KPNA5: variants seen among roughly 807,000 people sequenced by gnomAD.
KPNA5 encodes karyopherin subunit alpha 5, also known as importin subunit alpha-6.
Under a neutral mutation model 71.3 loss-of-function variants are expected in KPNA5, and 46 were observed. The observed-to-expected ratio is 0.65, with a 90% confidence interval of 0.51 to 0.83. The LOEUF (loss-of-function observed/expected upper bound fraction) is 0.83, where lower values mean the gene tolerates loss of function less well. KPNA5 is among the 40% of genes least tolerant of loss of function. The pLI, the probability that KPNA5 is intolerant of heterozygous loss-of-function variation, is 0.00. For missense variants in KPNA5, 547 were observed against 628.3 expected (o/e 0.87, Z 1.38); for synonymous variants, 207 against 201.4 (o/e 1.03, Z -0.24).
chr6:116,688,324 C>A (rs915906376), intron 1 of KPNA5, among the ~76,000 whole-genome samples: 2 of 152,066 alleles, frequency 1.3e-5, no homozygotes, highest in African/African-American at 2.4e-5. Flanking sequence ...CTTGTGTTTA[C>A]TTCATAAGCT....
chr6:116,718,179 C>T (rs1778963649), intron 8 of KPNA5, among the ~76,000 whole-genome samples: 1 of 152,084 alleles, frequency 6.6e-6, no homozygotes, highest in Non-Finnish European at 1.5e-5. Flanking sequence ...ATGAGTATAC[C>T]TGACCTTCTT....
chr6:116,727,769 A>G (rs557852563), intron 12 of KPNA5, among the ~76,000 whole-genome samples: 4 of 152,260 alleles, frequency 2.6e-5, no homozygotes, highest in African/African-American at 7.2e-5. Context: ...TATTATCAGT[A>G]TTGATTCCTG....
chr6:116,685,103 C>T (rs1269803505), intron 1 of KPNA5, among the ~76,000 whole-genome samples: 1 of 152,028 alleles, frequency 6.6e-6, no homozygotes, highest in African/African-American at 2.4e-5. Flanking sequence ...CACATTTATT[C>T]ATAACCTCCA....
chr6:116,705,975 G>C (rs1458808714), intron 7 of KPNA5, among the ~76,000 whole-genome samples: 1 of 152,158 alleles, frequency 6.6e-6, no homozygotes, highest in African/African-American at 2.4e-5. Context: ...TCGAAGATCT[G>C]TGTACAAACC....
rs549074546 is a variant in KPNA5, at chr6:116,724,572, A to G, written c.999+197A>G. Among the ~76,000 whole-genome samples, 74 of 147,758 alleles carry G rather than the reference A, an allele frequency of 5.0e-4. 1 individual carries two copies. The South Asian group carries it at 0.016, about 32-fold the overall frequency. On this transcript the variant is annotated intron_variant, in intron 10 of 13. Transcript: ENST00000368564. The stretch of plus-strand genomic sequence containing the variant: ...GATTGACTCCAGCCAGATTTGGGTT[A>G]CAATCTTTTTATTTATTTAGTAAGT...
At chr6:116,721,400 G>T (rs1162458916) in intron 8 of KPNA5, among the ~76,000 whole-genome samples, 1 of 151,686 alleles carries the variant, frequency 6.6e-6, no homozygotes, top group Non-Finnish European at 1.5e-5. Context: ...TTATCTACCC[G>T]CCTCGGCCTC....
chr6:116,687,355 A>G (rs1443781259), intron 1 of KPNA5, among the ~76,000 whole-genome samples: 1 of 152,184 alleles, frequency 6.6e-6, no homozygotes, highest in Non-Finnish European at 1.5e-5. Flanking sequence ...AAAAGGCAGA[A>G]CTATAGGGAT....
chr6:116,708,933 G>A (rs988934242), intron 7 of KPNA5, among the ~76,000 whole-genome samples: 4 of 152,034 alleles, frequency 2.6e-5, no homozygotes, highest in Non-Finnish European at 5.9e-5. Context: ...TTACAGTCGT[G>A]TACAACCATA....
chr6:116,721,850 T>G (rs1779116447), intron 8 of KPNA5, among the ~76,000 whole-genome samples: 1 of 152,166 alleles, frequency 6.6e-6, no homozygotes, highest in African/African-American at 2.4e-5. Context: ...TATGCTTTTT[T>G]TGTGGGGGTG....
rs1381501549 is a variant in KPNA5, at chr6:116,737,751, T to G, written c.*5428T>G. 6.6e-6 allele frequency: 1 copy of G among 152,008 alleles called. No individual in the cohort carries two copies. The highest frequency in any genetic ancestry group is 1.5e-5 in the Non-Finnish European group (1 of 67,928). The allele number at this position is 152,008 out of a possible 1,614,324, so 9.4% of individuals were successfully genotyped here. A position where few individuals can be genotyped will look rare whatever the true frequency, so the allele number is the denominator to read the frequency against. On this transcript the variant is annotated 3_prime_UTR_variant, in exon 14 of 14. Transcript: ENST00000368564. The stretch of plus-strand genomic sequence containing the variant: ...TTAGCATACCAATCTATGTTCTTTT[T>G]AAAATCTCTGTTTAATGTGGGCTTT...
intron 4 of KPNA5, among the ~76,000 whole-genome samples, chr6:116,698,404 A>G (rs749068396): frequency 6.6e-6 from 1 of 152,078 alleles, no homozygotes; most frequent in African/African-American, 2.4e-5. Flanking sequence ...AGTTTTAGAC[A>G]GAAATAATCA....
intron 10 of KPNA5, 52 bp downstream of exon 10, chr6:116,724,427 AT>A: frequency 8.0e-7 from 1 of 1,254,210 alleles, no homozygotes; most frequent in Non-Finnish European, 1.2e-6. Flanking sequence ...ACTTTAAAAA[AT>A]TTATGTTTCA....
chr6:116,692,088 AATG>A lies in KPNA5; in HGVS notation c.177_179del (p.Asp59del). ...ACGCAGAAATGTCTATTTGCCCAGA[AATG>A]ATGAATCTATGCTTGAAAGTCCTAT... On this transcript the variant is annotated inframe_deletion, in exon 3 of 14. Transcript: ENST00000368564. 6.2e-7 allele frequency: 1 copy of A among 1,612,806 alleles called. No individual in the cohort carries two copies. Among genetic ancestry groups the A allele is most frequent in the South Asian group, 1.1e-5 (1 of 91,026 alleles).
chr6:116,724,156 A>T (rs1779213042), intron 9 of KPNA5, 141 bp from the exon 10 acceptor site: 2 of 567,598 alleles, frequency 3.5e-6, no homozygotes, highest in Admixed American at 2.9e-5. Flanking sequence ...ATCCTTTGTT[A>T]TAAAGATTAT....
chr6:116,729,957 T>C (rs1229254164), intron 13 of KPNA5, among the ~76,000 whole-genome samples: 2 of 151,624 alleles, frequency 1.3e-5, no homozygotes, highest in African/African-American at 2.4e-5. Context: ...ATTGACTTAA[T>C]TGTATTGTAT....
chr6:116,739,651 A>G lies in KPNA5; in HGVS notation c.*7328A>G, dbSNP rs948543425. The G allele has an allele frequency of 1.3e-5, 2 of 152,274 alleles. No individual in the cohort carries two copies. Among genetic ancestry groups the G allele is most frequent in the African/African-American group, 4.8e-5 (2 of 41,460 alleles). The allele number at this position is 152,274 out of a possible 1,614,324, so 9.4% of individuals were successfully genotyped here. ...GCATGGTACCAGTACCAAAACAGATATAGATCAATGGAACAGAACAGAGCC... is the reference window on the plus strand; with the variant it reads ...GCATGGTACCAGTACCAAAACAGATGTAGATCAATGGAACAGAACAGAGCC... On this transcript the variant is annotated 3_prime_UTR_variant, in exon 14 of 14. Coordinates refer to ENST00000368564, the MANE Select transcript of KPNA5 (RefSeq NM_001366306.2).
At chr6:116,689,192 T>C in intron 1 of KPNA5, 128 bp from the exon 2 acceptor site, 1 of 904,982 alleles carries the variant, frequency 1.1e-6, no homozygotes, top group Non-Finnish European at 1.7e-6. Flanking sequence ...TCTTTGTACA[T>C]AATTTTCAGA....
At chr6:116,714,930 C>CTCT in intron 7 of KPNA5, among the ~76,000 whole-genome samples, 1 of 152,324 alleles carries the variant, frequency 6.6e-6, no homozygotes, top group African/African-American at 2.4e-5. Flanking sequence ...AGGCTGCTGT[C>CTCT]TTAAAGGTTG....
In KPNA5 at chr6:116,716,288, A is replaced by G; in HGVS notation, c.726A>G (p.Arg242=). 2 of 1,613,188 alleles carry G rather than the reference A, an allele frequency of 1.2e-6. No individual in the cohort carries two copies. Among genetic ancestry groups the G allele is most frequent in the Non-Finnish European group, 1.7e-6 (2 of 1,179,516 alleles). Residue 242 remains arginine, a synonymous_variant, in exon 8 of 14, where the codon AGA becomes AGG. Transcript: ENST00000368564. ...NAVWALSNLC[R]GKNPPPNFSK... is the part of the protein sequence containing the mutation. ...TGTGGGCCCTCTCAAATTTATGTAGAGGCAAAAACCCTCCTCCAAACTTTA... is the reference window on the plus strand; with the variant it reads ...TGTGGGCCCTCTCAAATTTATGTAGGGGCAAAAACCCTCCTCCAAACTTTA...
Sources: allele counts gnomAD v4.1 joint callset (sites outside exome capture counted in the v4.1 genomes callset), GRCh38; gene constraint gnomAD v4.1.1; transcripts MANE v1.5; gene names NCBI Gene and HGNC (gene_info 2026-07-23, HGNC 2026-07-21).